SRPK2: variants seen among roughly 807,000 people sequenced by gnomAD.
SRPK2 encodes SFRS protein kinase 2.
In SRPK2, 21 loss-of-function variants were observed where a neutral mutation model predicts 90.8. The ratio of observed to expected loss-of-function variants is 0.23; its 90% CI spans 0.16 to 0.33. The LOEUF (loss-of-function observed/expected upper bound fraction) is 0.33, where lower values mean the gene tolerates loss of function less well. Ranked by LOEUF, SRPK2 falls within the 10% of genes least tolerant of loss-of-function variation. The pLI is 1.00. For synonymous variants in SRPK2, 288 were observed against 311.1 expected (o/e 0.93, Z 0.78); for missense variants, 620 against 869.0 (o/e 0.71, Z 3.60).
intron 2 of SRPK2, among the ~76,000 whole-genome samples, chr7:105,364,787 T>C (rs1818845189): frequency 6.6e-6 from 1 of 152,098 alleles, no homozygotes; most frequent in African/African-American, 2.4e-5. Flanking sequence ...CTTCCACACC[T>C]TCTGTGCTGA....
At position 105,217,329 on chromosome 7, in the gene SRPK2, G is replaced by C. The variant is rs145192120; in HGVS notation, c.72-13544C>G. Among the ~76,000 whole-genome samples, 28 of 152,284 alleles carry C rather than the reference G, an allele frequency of 1.8e-4. No individual in the cohort carries two copies. In the East Asian group the frequency reaches 4.6e-3, roughly 25 times the overall value. On this transcript the variant is annotated intron_variant, in intron 2 of 15. Coordinates refer to ENST00000393651, the MANE Select transcript of SRPK2 (RefSeq NM_182692.3). ...GTGAGAAAAAAAAAGATTTAAAGTT[G>C]AACATAAAAAGTGACTTACCTAATT...
upstream of SRPK2, among the ~76,000 whole-genome samples, chr7:105,391,536 C>T (rs1181878278): frequency 3.3e-5 from 5 of 152,028 alleles, no homozygotes; most frequent in African/African-American, 1.2e-4. Context: ...TAAGGCCAAA[C>T]GTGATGTCTC....
intron 7 of SRPK2, among the ~76,000 whole-genome samples, chr7:105,148,509 C>G (rs1805004091): frequency 6.6e-6 from 1 of 152,102 alleles, no homozygotes; most frequent in Non-Finnish European, 1.5e-5. Context: ...CAAAACAGAT[C>G]ATGTTCTCAT....
intron 2 of SRPK2, among the ~76,000 whole-genome samples, chr7:105,282,283 C>G (rs189742855): frequency 6.6e-6 from 1 of 152,262 alleles, no homozygotes; most frequent in Non-Finnish European, 1.5e-5. Flanking sequence ...GAGAATGAAG[C>G]CAGAGTTCCC....
In SRPK2 at chr7:105,142,394, G is replaced by A. The variant is rs765234108; in HGVS notation, c.1157C>T (p.Pro386Leu). The change falls in exon 11 of 16, where the codon CCT (proline) becomes CTT (leucine). Residue 386 changes from proline to leucine, a missense_variant. Pro to Leu is a moderately conservative substitution (Grantham distance 98). Coordinates refer to ENST00000393651, the MANE Select transcript of SRPK2 (RefSeq NM_182692.3). Reference protein sequence around the residue: ...DVDQELANIDPTWIESPKTNG... With the variant: ...DVDQELANIDLTWIESPKTNG... ...GGTTTTAGGTGATTCTATCCACGTA[G>A]GGTCTATGTTCGCAAGTTCCTGATC... 1 of 1,614,026 alleles carries A rather than the reference G, an allele frequency of 6.2e-7. No individual in the cohort carries two copies. Among genetic ancestry groups the A allele is most frequent in the South Asian group, 1.1e-5 (1 of 91,070 alleles).
chr7:105,384,670 T>C (rs953320473), intron 2 of SRPK2, among the ~76,000 whole-genome samples: 3 of 152,118 alleles, frequency 2.0e-5, no homozygotes, highest in African/African-American at 7.2e-5. Flanking sequence ...TGAATTCTGA[T>C]CCAAACGAAG....
intron 2 of SRPK2, among the ~76,000 whole-genome samples, chr7:105,371,859 G>C (rs2132459884): frequency 6.6e-6 from 1 of 152,214 alleles, no homozygotes; most frequent in East Asian, 1.9e-4. Context: ...CCTGGGCCGG[G>C]CACAGTGGCT....
downstream of SRPK2, chr7:105,115,379 A>G (rs985272912): frequency 1.3e-5 from 2 of 152,202 alleles, no homozygotes; most frequent in Admixed American, 6.5e-5. Flanking sequence ...GGAAGATCTT[A>G]TATCCACCTT....
chr7:105,375,978 CA>C (rs1820228632), intron 2 of SRPK2, among the ~76,000 whole-genome samples: 1 of 76,886 alleles, frequency 1.3e-5, no homozygotes, highest in Non-Finnish European at 2.7e-5. Flanking sequence ...AATGAGAATT[CA>C]TTTCTTTTTT....
intron 2 of SRPK2, among the ~76,000 whole-genome samples, chr7:105,375,618 T>C (rs1306454847): frequency 6.6e-6 from 1 of 152,094 alleles, no homozygotes; most frequent in Non-Finnish European, 1.5e-5. Flanking sequence ...CAGGTGGAAA[T>C]ACAATTGAGT....
rs752712321 is a variant in SRPK2, at chr7:105,167,473, A to G, written c.427-9T>C. 4 of 1,611,104 alleles carry G rather than the reference A, an allele frequency of 2.5e-6. No individual in the cohort carries two copies. In the South Asian group the frequency reaches 4.4e-5, roughly 18 times the overall value. The stretch of plus-strand genomic sequence containing the variant: ...GGATCACTTTCTCGAACCTATGCCA[A>G]GAAAAATGAATGCAAGAACACAGGA... On this transcript the variant is annotated splice_polypyrimidine_tract_variant and intron_variant, in intron 5 of 15. Coordinates refer to ENST00000393651, the MANE Select transcript of SRPK2 (RefSeq NM_182692.3).
chr7:105,334,895 C>T (rs1486978936), intron 2 of SRPK2, among the ~76,000 whole-genome samples: 5 of 149,216 alleles, frequency 3.4e-5, no homozygotes, highest in African/African-American at 5.0e-5. Flanking sequence ...ATTGGCTGGG[C>T]GCAGTAGCTT....
intron 3 of SRPK2, among the ~76,000 whole-genome samples, chr7:105,181,577 A>G (rs1792815586): frequency 6.6e-6 from 1 of 152,166 alleles, no homozygotes; most frequent in Non-Finnish European, 1.5e-5. Flanking sequence ...ACATGGATGG[A>G]GCTGGAGGCC....
chr7:105,144,534 C>T (rs1804268732), intron 9 of SRPK2, among the ~76,000 whole-genome samples: 2 of 152,034 alleles, frequency 1.3e-5, no homozygotes, highest in Admixed American at 6.6e-5. Flanking sequence ...AGTCACCACA[C>T]CCAGTATCTA....
intron 2 of SRPK2, among the ~76,000 whole-genome samples, chr7:105,321,450 TACA>T (rs948353296): frequency 6.6e-6 from 1 of 151,938 alleles, no homozygotes; most frequent in African/African-American, 2.4e-5. Context: ...AAAAAGCACA[TACA>T]ACAAAAGAAA....
At chr7:105,375,363 G>A (rs1301820875) in intron 2 of SRPK2, among the ~76,000 whole-genome samples, 1 of 152,104 alleles carries the variant, frequency 6.6e-6, no homozygotes, top group African/African-American at 2.4e-5. Flanking sequence ...GGGGGTATAA[G>A]AGAGCCCTTG....
chr7:105,349,963 T>G (rs1183102077), intron 2 of SRPK2, among the ~76,000 whole-genome samples: 4 of 150,620 alleles, frequency 2.7e-5, no homozygotes, highest in African/African-American at 9.7e-5. Context: ...GATCTCAATC[T>G]CCTGAACTTG....
chr7:105,296,160 CT>C (rs1809790800), intron 2 of SRPK2, among the ~76,000 whole-genome samples: 1 of 152,190 alleles, frequency 6.6e-6, no homozygotes, highest in African/African-American at 2.4e-5. Context: ...TCCACAAGTG[CT>C]TTTCAACAGG....
chr7:105,285,264 T>C (rs994147563), intron 2 of SRPK2, among the ~76,000 whole-genome samples: 1 of 151,192 alleles, frequency 6.6e-6, no homozygotes, highest in Admixed American at 6.6e-5. Flanking sequence ...TGCACGCCTA[T>C]AATCCCAGCT....
Sources: gnomAD v4.1 joint callset for allele counts (sites outside exome capture counted in the v4.1 genomes callset) on GRCh38, gnomAD v4.1.1 for gene constraint, MANE v1.5 for transcripts, NCBI Gene and HGNC (gene_info 2026-07-23, HGNC 2026-07-21) for gene names.